SLC4A8: variants seen among roughly 807,000 people sequenced by gnomAD.
SLC4A8 encodes solute carrier family 4 member 8.
A neutral mutation model predicts 125.0 loss-of-function variants in SLC4A8; 40 were observed. The ratio of observed to expected loss-of-function variants is 0.32; its 90% CI spans 0.25 to 0.42. SLC4A8 has a LOEUF of 0.42. SLC4A8 is among the 10% of genes least tolerant of loss of function. SLC4A8 has a pLI of 1.00. For synonymous variants in SLC4A8, 456 were observed against 476.0 expected (o/e 0.96, Z 0.55); for missense variants, 863 against 1,355.1 (o/e 0.64, Z 5.70).
At position 51,514,154 on chromosome 12, in the gene SLC4A8, GT is replaced by G. The variant is rs1002541316; in HGVS notation, c.*6718del. On this transcript the variant is annotated 3_prime_UTR_variant, in exon 25 of 25. Coordinates refer to ENST00000453097, the MANE Select transcript of SLC4A8 (RefSeq NM_001039960.3). Reference sequence around the variant, plus strand: ...TTCTCTAAATTTATTTTGTAAGGAAGTTAGCACCTCCTTCCAGGACTTTAAA... The same window carrying G: ...TTCTCTAAATTTATTTTGTAAGGAAGTAGCACCTCCTTCCAGGACTTTAAA... 6 of 152,624 alleles carry G rather than the reference GT, an allele frequency of 3.9e-5. No homozygotes were observed. Among genetic ancestry groups the G allele is most frequent in the African/African-American group, 1.4e-4 (6 of 41,436 alleles). The allele number at this position is 152,624 out of a possible 1,614,324, so 9.5% of individuals were successfully genotyped here. A position where few individuals can be genotyped will look rare whatever the true frequency, so the allele number is the denominator to read the frequency against.
At chr12:51,426,362 G>T (rs1948978560) in intron 1 of SLC4A8, among the ~76,000 whole-genome samples, 1 of 152,156 alleles carries the variant, frequency 6.6e-6, no homozygotes, top group Admixed American at 6.5e-5. Flanking sequence ...GAAAAAATAG[G>T]CAATGTTCTT....
chr12:51,415,082 A>G (rs776847599), intron 1 of SLC4A8, among the ~76,000 whole-genome samples: 4 of 152,048 alleles, frequency 2.6e-5, no homozygotes, highest in Non-Finnish European at 5.9e-5. Flanking sequence ...TTTTGCCTGT[A>G]TATTCATCAG....
intron 2 of SLC4A8, among the ~76,000 whole-genome samples, chr12:51,445,962 A>T (rs1407277132): frequency 6.6e-6 from 1 of 152,176 alleles, no homozygotes; most frequent in Non-Finnish European, 1.5e-5. Flanking sequence ...TCTGCTGCTA[A>T]TGCCACCTGG....
chr12:51,428,021 C>G (rs1362460875), intron 1 of SLC4A8, among the ~76,000 whole-genome samples: 1 of 152,154 alleles, frequency 6.6e-6, no homozygotes, highest in Non-Finnish European at 1.5e-5. Context: ...AGGACTGCCT[C>G]TCCTCCACTC....
intron 22 of SLC4A8, chr12:51,501,785 T>A (rs913787151): frequency 6.6e-6 from 1 of 152,214 alleles, no homozygotes; most frequent in Non-Finnish European, 1.5e-5. Context: ...AGTGTAGAAG[T>A]GTTCACTTTT....
intron 19 of SLC4A8, among the ~76,000 whole-genome samples, chr12:51,490,284 G>A (rs571475009): frequency 2.6e-5 from 4 of 152,076 alleles, no homozygotes; most frequent in African/African-American, 4.8e-5. Flanking sequence ...GGCCAGGCGC[G>A]GTGGCTCACA....
At chr12:51,470,824 C>A (rs971199171) in intron 13 of SLC4A8, among the ~76,000 whole-genome samples, 11 of 151,900 alleles carry the variant, frequency 7.2e-5, no homozygotes, top group African/African-American at 2.7e-4. Context: ...CATTGTGAGT[C>A]AATTTTTAAT....
chr12:51,488,014 T>G (rs1187440233), intron 17 of SLC4A8, among the ~76,000 whole-genome samples: 1 of 152,244 alleles, frequency 6.6e-6, no homozygotes, highest in African/African-American at 2.4e-5. Flanking sequence ...TTACTTGGGT[T>G]AATGTTGAGA....
intron 19 of SLC4A8, among the ~76,000 whole-genome samples, chr12:51,491,039 G>A (rs554080836): frequency 6.6e-5 from 10 of 152,140 alleles, no homozygotes; most frequent in Non-Finnish European, 1.0e-4. Flanking sequence ...GTGGAATGGG[G>A]TGAGGAAAAT....
chr12:51,460,390 TC>T (rs1950288554), intron 8 of SLC4A8, among the ~76,000 whole-genome samples: 1 of 21,588 alleles, frequency 4.6e-5, no homozygotes, highest in Non-Finnish European at 1.3e-4. Context: ...TGAGACCCTG[TC>T]TTTTTTAAAA....
At chr12:51,496,427 G>A (rs532391391) in intron 21 of SLC4A8, among the ~76,000 whole-genome samples, 9 of 152,202 alleles carry the variant, frequency 5.9e-5, no homozygotes, top group Non-Finnish European at 1.3e-4. Flanking sequence ...TTTTAGGCGA[G>A]TCACTTTCTC....
Position 51,440,754 on chromosome 12 carries a change from T to C in SLC4A8, c.95T>C (p.Ile32Thr). 1 of 1,608,486 alleles carries C rather than the reference T, an allele frequency of 6.2e-7. No homozygotes were observed. Among genetic ancestry groups the C allele is most frequent in the Non-Finnish European group, 8.5e-7 (1 of 1,178,454 alleles). The change falls in exon 2 of 25, where the codon ATT (isoleucine) becomes ACT (threonine). Residue 32 changes from isoleucine (I) to threonine (T), a missense_variant. Around this residue, in one of 6 missense-constraint regions of SLC4A8, gnomAD observed 104 missense variants for 116.4 expected, o/e 0.89. Coordinates refer to ENST00000453097, the MANE Select transcript of SLC4A8 (RefSeq NM_001039960.3). Reference sequence around the variant, plus strand: ...GTGGATCAGGGTGGGACCAGTACAATTCTCAACATTCACTATGAAAAAGAA... The same window carrying C: ...GTGGATCAGGGTGGGACCAGTACAACTCTCAACATTCACTATGAAAAAGAA... ...AVVDQGGTST[I>T]LNIHYEKEEL...
At chr12:51,409,088 A>G (rs1948548559) in intron 1 of SLC4A8, among the ~76,000 whole-genome samples, 1 of 152,038 alleles carries the variant, frequency 6.6e-6, no homozygotes, top group Admixed American at 6.6e-5. Flanking sequence ...GCAGTGGCAC[A>G]ATCATGACTG....
intron 20 of SLC4A8, chr12:51,494,670 C>A: frequency 3.5e-6 from 1 of 286,268 alleles, no homozygotes; most frequent in South Asian, 1.5e-4. Context: ...TTTTCAACAC[C>A]CCCTGAGAAA....
At chr12:51,478,921 G>T (rs1264027765) in intron 16 of SLC4A8, among the ~76,000 whole-genome samples, 1 of 108,640 alleles carries the variant, frequency 9.2e-6, no homozygotes, top group Non-Finnish European at 1.9e-5. Context: ...CCTTGGGCAA[G>T]TCCCTCATCT....
At chr12:51,451,207 C>T (rs1431323496) in intron 3 of SLC4A8, among the ~76,000 whole-genome samples, 185 bp downstream of exon 3, 3 of 152,040 alleles carry the variant, frequency 2.0e-5, no homozygotes, top group Admixed American at 6.6e-5. Flanking sequence ...TTCACAGTTC[C>T]GGGCGGCTGG....
intron 1 of SLC4A8, among the ~76,000 whole-genome samples, chr12:51,439,016 G>A (rs1007336074): frequency 2.0e-5 from 3 of 152,150 alleles, no homozygotes; most frequent in African/African-American, 7.2e-5. Context: ...CAGTGGTGAG[G>A]AAGATGGACA....
chr12:51,477,512 G>A (rs752550545), intron 16 of SLC4A8, among the ~76,000 whole-genome samples: 8 of 152,164 alleles, frequency 5.3e-5, no homozygotes, highest in Non-Finnish European at 1.2e-4. Flanking sequence ...AATGCCAAAT[G>A]CCCACAGCAG....
intron 1 of SLC4A8, among the ~76,000 whole-genome samples, chr12:51,418,752 T>A (rs555837720): frequency 8.5e-5 from 13 of 152,316 alleles, no homozygotes; most frequent in East Asian, 5.8e-4. Flanking sequence ...GTATCTTTTT[T>A]AAAATATATA....
Sources: gnomAD v4.1 joint callset for allele counts (sites outside exome capture counted in the v4.1 genomes callset) on GRCh38, gnomAD v4.1.1 for gene constraint, gnomAD v4.1.1 regional missense constraint, MANE v1.5 for transcripts, NCBI Gene and HGNC (gene_info 2026-07-23, HGNC 2026-07-21) for gene names.